B3GALT5: variants seen among roughly 807,000 people sequenced by gnomAD.
B3GALT5 encodes UDP-Gal:betaGlcNAc beta 1,3-galactosyltransferase, polypeptide 5.
For synonymous variants in B3GALT5, 156 were observed against 158.6 expected (o/e 0.98, Z 0.12); for missense variants, 328 against 396.6 (o/e 0.83, Z 1.47).
chr21:39,645,625 G>T (rs1431431420), intron 1 of B3GALT5, among the ~76,000 whole-genome samples: 1 of 152,144 alleles, frequency 6.6e-6, no homozygotes, highest in Non-Finnish European at 1.5e-5. Flanking sequence ...ACACTGAGGT[G>T]CTGGAGACCA....
intron 1 of B3GALT5, among the ~76,000 whole-genome samples, chr21:39,636,085 A>C (rs1220531563): frequency 6.6e-6 from 1 of 152,206 alleles, no homozygotes; most frequent in Non-Finnish European, 1.5e-5. Context: ...ACAGAAGTTA[A>C]GTACTGGAAT....
chr21:39,627,841 T>C (rs1467868627), intron 1 of B3GALT5, among the ~76,000 whole-genome samples: 1 of 152,198 alleles, frequency 6.6e-6, no homozygotes, highest in Admixed American at 6.5e-5. Flanking sequence ...AAACACACTT[T>C]AAAATAAGTG....
chr21:39,639,400 T>TTTTCTTTCTTTCTTTCTTTCTTTC (rs71330377), intron 1 of B3GALT5, among the ~76,000 whole-genome samples: 11 of 57,192 alleles, frequency 1.9e-4, no homozygotes, highest in South Asian at 6.7e-4. Flanking sequence ...CCTTCTTTCT[T>TTTTCTTTCTTTCTTTCTTTCTTTC]TTTCTTTCTT....
chr21:39,660,806 G>A lies in B3GALT5; in HGVS notation c.247G>A (p.Glu83Lys), dbSNP rs1448441274. The change falls in exon 4 of 4, where the codon GAG becomes AAG. Residue 83 changes from glutamate to lysine, a missense_variant. Transcript: ENST00000684187. ...RMAIRQTWGKERMVKGKQLKT... is the reference protein window; with the variant it reads ...RMAIRQTWGKKRMVKGKQLKT... Reference sequence around the variant, plus strand: ...GGCCATCCGGCAGACGTGGGGGAAAGAGAGGATGGTGAAGGGAAAGCAGCT... The same window carrying A: ...GGCCATCCGGCAGACGTGGGGGAAAAAGAGGATGGTGAAGGGAAAGCAGCT... 1.3e-6 allele frequency: 2 copies of A among 1,589,894 alleles called. No individual in the cohort carries two copies. The highest frequency in any genetic ancestry group is 3.5e-5 in the Admixed American group (2 of 56,822).
intron 1 of B3GALT5, among the ~76,000 whole-genome samples, chr21:39,628,322 G>T (rs2079174548): frequency 6.6e-6 from 1 of 152,170 alleles, no homozygotes; most frequent in Admixed American, 6.5e-5. Flanking sequence ...ATTGTGTAGT[G>T]GTCTAGTCAG....
chr21:39,632,870 G>A (rs538995793), intron 1 of B3GALT5, among the ~76,000 whole-genome samples: 2 of 152,254 alleles, frequency 1.3e-5, no homozygotes, highest in Admixed American at 1.3e-4. Flanking sequence ...TTGTTTTATG[G>A]TTATGCACTC....
intron 1 of B3GALT5, among the ~76,000 whole-genome samples, chr21:39,628,140 T>C (rs1395759040): frequency 2.0e-5 from 3 of 152,172 alleles, no homozygotes. Flanking sequence ...ATGAGAACAC[T>C]AGACATGATA....
At chr21:39,637,376 C>T (rs1429095472) in intron 1 of B3GALT5, among the ~76,000 whole-genome samples, 1 of 152,232 alleles carries the variant, frequency 6.6e-6, no homozygotes, top group African/African-American at 2.4e-5. Context: ...CCAGGCATTG[C>T]ATGCCAAAGC....
intron 1 of B3GALT5, among the ~76,000 whole-genome samples, chr21:39,631,036 A>G (rs1293044771): frequency 1.3e-5 from 2 of 152,240 alleles, no homozygotes; most frequent in African/African-American, 2.4e-5. Context: ...TAATGTTGCT[A>G]TTATTGCATT....
At position 39,671,308 on chromosome 21, in the gene B3GALT5, G is replaced by A. The variant is rs1245996140; in HGVS notation, c.*9816G>A. On this transcript the variant is annotated 3_prime_UTR_variant, in exon 4 of 4. Transcript: ENST00000684187. ...TTTTTTTAATTAATTAATTTTCAGC[G>A]TTTGTTATATCAGAATGGACATTAT... 3.3e-5 allele frequency: 5 copies of A among 152,122 alleles called. No homozygotes were observed. The highest frequency in any genetic ancestry group is 2.0e-4 in the Admixed American group (3 of 15,272). 9.4% of individuals were successfully genotyped at this position (152,122 alleles called of 1,614,324 possible).
intron 1 of B3GALT5, among the ~76,000 whole-genome samples, chr21:39,641,003 C>T (rs1361319359): frequency 6.6e-6 from 1 of 152,162 alleles, no homozygotes; most frequent in African/African-American, 2.4e-5. Flanking sequence ...CTTCAGGCTC[C>T]CAGAGTGCTG....
chr21:39,613,984 AGAGATG>A (rs1569203868), intron 1 of B3GALT5, among the ~76,000 whole-genome samples: 2 of 152,322 alleles, frequency 1.3e-5, no homozygotes, highest in South Asian at 4.1e-4. Flanking sequence ...TCTTTTTCAA[AGAGATG>A]GAGATGGAGG....
At chr21:39,633,057 T>C (rs771885674) in intron 1 of B3GALT5, among the ~76,000 whole-genome samples, 16 of 152,106 alleles carry the variant, frequency 1.1e-4, no homozygotes, top group Non-Finnish European at 2.2e-4. Context: ...AAGATTTCCA[T>C]TGGAAAATGA....
intron 2 of B3GALT5, among the ~76,000 whole-genome samples, chr21:39,647,991 A>G (rs569594468): frequency 6.6e-6 from 1 of 152,252 alleles, no homozygotes; most frequent in Admixed American, 6.5e-5. Context: ...TGTTCTGATG[A>G]TCCTCTTTTG....
At position 39,670,253 on chromosome 21, in the gene B3GALT5, G is replaced by GAGAC. The variant is rs200955053; in HGVS notation, c.*8773_*8776dup. 2.0e-5 allele frequency: 3 copies of GAGAC among 149,972 alleles called. No individual in the cohort carries two copies. The highest frequency in any genetic ancestry group is 7.6e-5 in the African/African-American group (3 of 39,236). The allele number at this position is 149,972 out of a possible 1,614,324, so 9.3% of individuals were successfully genotyped here. A position where few individuals can be genotyped will look rare whatever the true frequency, so the allele number is the denominator to read the frequency against. On this transcript the variant is annotated 3_prime_UTR_variant, in exon 4 of 4. Coordinates refer to ENST00000684187, the MANE Select transcript of B3GALT5 (RefSeq NM_001356336.2). ...TGTGTGTGTATCTATGAGAGAGAGA[G>GAGAC]AGACAGACAGACAGATCTGAGGCTC... is the stretch of plus-strand genomic sequence containing the variant.
In B3GALT5 at chr21:39,657,694, G is replaced by A. The variant is rs145934633; in HGVS notation, c.-160-2059G>A. On this transcript the variant is annotated intron_variant, in intron 2 of 3. Transcript: ENST00000684187. ...CTATCTATCTATCTGTCTACCTACC[G>A]ACTTACCTACCTACCTGCCTATCTA... 8.0e-4 allele frequency: 332 copies of A among 416,342 alleles called. 1 individual carries two copies. The highest frequency in any genetic ancestry group is 6.2e-3 in the African/African-American group (304 of 48,920). 25.8% of individuals were successfully genotyped at this position (416,342 alleles called of 1,614,324 possible). A position where few individuals can be genotyped will look rare whatever the true frequency, so the allele number is the denominator to read the frequency against.
Position 39,659,548 on chromosome 21 carries a change from G to C in B3GALT5, c.-160-205G>C, listed in dbSNP as rs1602305122. 3.3e-5 allele frequency among the ~76,000 whole-genome samples: 5 copies of C among 152,078 alleles called. 1 individual carries two copies. Among genetic ancestry groups the C allele is most frequent in the Admixed American group, 2.6e-4 (4 of 15,272 alleles). ...TAGGCTTGAAGGATTCTGGGGGATT[G>C]GCATATTGTTACTGTTGTGGACTTT... On this transcript the variant is annotated intron_variant, in intron 2 of 3. Transcript: ENST00000684187.
intron 2 of B3GALT5, among the ~76,000 whole-genome samples, chr21:39,650,918 A>G (rs1253538552): frequency 1.3e-5 from 2 of 152,058 alleles, no homozygotes; most frequent in African/African-American, 4.8e-5. Context: ...CCCAGCGCCA[A>G]CACCCTCACT....
At position 39,673,127 on chromosome 21, in the gene B3GALT5, T is replaced by C. The variant is rs2079645545; in HGVS notation, c.*11635T>C. 6.6e-6 allele frequency: 1 copy of C among 152,196 alleles called. No homozygotes were observed. The highest frequency in any genetic ancestry group is 1.5e-5 in the Non-Finnish European group (1 of 68,044). 9.4% of individuals were successfully genotyped at this position (152,196 alleles called of 1,614,324 possible). ...AGTGTCATTTAAATGGAAATAAATGTCTGAAACAGATGTGTGTTTCTGACT... is the reference window on the plus strand; with the variant it reads ...AGTGTCATTTAAATGGAAATAAATGCCTGAAACAGATGTGTGTTTCTGACT... On this transcript the variant is annotated 3_prime_UTR_variant, in exon 4 of 4. Coordinates refer to ENST00000684187, the MANE Select transcript of B3GALT5 (RefSeq NM_001356336.2). The surrounding 1 kb of genome is among the most constrained non-coding windows in gnomAD (Gnocchi z 5.2).
Sources: gnomAD v4.1 joint callset for allele counts (sites outside exome capture counted in the v4.1 genomes callset) on GRCh38, gnomAD v4.1.1 for gene constraint, Gnocchi (gnomAD v3.1) non-coding constraint, MANE v1.5 for transcripts, NCBI Gene and HGNC (gene_info 2026-07-23, HGNC 2026-07-21) for gene names.